Variants in ARMC5 observed in about 807,000 individuals in gnomAD.
ARMC5 encodes armadillo repeat containing 5, also known as armadillo repeat-containing protein 5.
ARMC5 carries 28 observed loss-of-function variants against 60.5 expected under a neutral mutation model. The observed-to-expected ratio is 0.46, with a 90% CI of 0.34 to 0.63. ARMC5 has a LOEUF of 0.63. Among genes scored for constraint, ARMC5 ranks in the 30% least tolerant of loss-of-function variants. The pLI is 0.01. For synonymous variants in ARMC5, 680 were observed against 607.3 expected, an observed-to-expected ratio of 1.12 and a Z score of -1.76; for missense variants, 1,189 against 1,304.9, an observed-to-expected ratio of 0.91 and a Z score of 1.37.
chr16:31,462,993 A>C lies in ARMC5; in HGVS notation c.1370+76A>C. ...GTTTGTGTCTGTCTTGGTCCTCTTC[A>C]CTACCTCCACCCCTATTCTGTCTGA... On this transcript the variant is annotated intron_variant, in intron 3 of 5. Coordinates refer to ENST00000268314, the MANE Select transcript of ARMC5 (RefSeq NM_001105247.2). The surrounding 1 kb of genome is among the most constrained non-coding windows in gnomAD (Gnocchi z 7.2). The C allele has an allele frequency of 7.4e-7, 1 of 1,351,504 alleles. No individual in the cohort carries two copies. The highest frequency in any genetic ancestry group is 1.5e-5 in the South Asian group (1 of 65,888). The allele number at this position is 1,351,504 out of a possible 1,614,324, so 83.7% of individuals were successfully genotyped here.
rs752733668 is a variant in ARMC5 at position 31,466,325 on chromosome 16, C to G, written c.2244C>G (p.Pro748=). Reference sequence around the variant, plus strand: ...TGGGCCCAGCCCCTGTCCCAGCTCCCGACCTGCACTTCCTGCTGGACTCAG... The same window carrying G: ...TGGGCCCAGCCCCTGTCCCAGCTCCGGACCTGCACTTCCTGCTGGACTCAG... ...PLLGPAPVPA[P]DLHFLLDSGL... is the part of the protein sequence containing the mutation. The change falls in exon 6 of 6, where the codon CCC becomes CCG. Residue 748 remains proline (P), a synonymous_variant. Coordinates refer to ENST00000268314, the MANE Select transcript of ARMC5 (RefSeq NM_001105247.2). The surrounding 1 kb of genome is among the most constrained non-coding windows in gnomAD (Gnocchi z 8.0). 15 of 1,613,792 alleles carry G rather than the reference C, an allele frequency of 9.3e-6. No homozygotes were observed. Among genetic ancestry groups the G allele is most frequent in the Non-Finnish European group, 1.2e-5 (14 of 1,179,888 alleles).
At chr16:31,461,441 C>G (rs1447513572) in intron 1 of ARMC5, among the ~76,000 whole-genome samples, 9 of 152,180 alleles carry the variant, frequency 5.9e-5, no homozygotes, top group Admixed American at 5.2e-4. Flanking sequence ...TCTCACACCC[C>G]CATCCACCGT....
intron 1 of ARMC5, chr16:31,460,216 C>T: frequency 1.9e-6 from 1 of 540,240 alleles, no homozygotes. Flanking sequence ...TAGCCATTAT[C>T]TAGGAATTGG....
At position 31,464,959 on chromosome 16, in the gene ARMC5, C is replaced by T; in HGVS notation, c.1864+72C>T. The stretch of plus-strand genomic sequence containing the variant: ...ATCCTCCCCCATGGCTTCCATGGGC[C>T]CAGAACCTCACCTTCCCACTCACCT... On this transcript the variant is annotated intron_variant, in intron 4 of 5. Coordinates refer to ENST00000268314, the MANE Select transcript of ARMC5 (RefSeq NM_001105247.2). The surrounding 1 kb of genome is among the most constrained non-coding windows in gnomAD (Gnocchi z 7.6). The T allele has an allele frequency of 6.2e-7, 1 of 1,611,906 alleles. No individual in the cohort carries two copies. Among genetic ancestry groups the T allele is most frequent in the South Asian group, 1.1e-5 (1 of 90,982 alleles).
In ARMC5 at chr16:31,462,349, G is replaced by T; in HGVS notation, c.802G>T (p.Gly268Cys). ...CCGTGCCCTCCTGGAACTCAGCCGA[G>T]GCTGCTCCCGGGCCTGTGCTGAGCA... ...LVRALLELSR[G>C]CSRACAEQLS... The change falls in exon 3 of 6, where the codon GGC becomes TGC. Residue 268 changes from glycine (G) to cysteine (C), a missense_variant. This residue lies in a region of ARMC5 where 862 missense variants were observed against 1,071.2 expected (regional missense o/e 0.80). Transcript: ENST00000268314. The surrounding 1 kb of genome is among the most constrained non-coding windows in gnomAD (Gnocchi z 7.2). 2.5e-6 allele frequency: 4 copies of T among 1,610,712 alleles called. No homozygotes were observed. The highest frequency in any genetic ancestry group is 3.4e-6 in the Non-Finnish European group (4 of 1,178,834).
chr16:31,460,817 G>A (rs2082298132), intron 1 of ARMC5, among the ~76,000 whole-genome samples: 1 of 152,180 alleles, frequency 6.6e-6, no homozygotes, highest in Non-Finnish European at 1.5e-5. Flanking sequence ...AGCACAGTAA[G>A]AACAAATCCT....
Position 31,464,818 on chromosome 16 carries a change from G to A in ARMC5, c.1795G>A (p.Gly599Arg). 1 of 1,597,382 alleles carries A rather than the reference G, an allele frequency of 6.3e-7. No homozygotes were observed. The highest frequency in any genetic ancestry group is 1.1e-5 in the South Asian group (1 of 90,756). The change falls in exon 4 of 6, where the codon GGG becomes AGG. Residue 599 changes from glycine (G) to arginine (R), a missense_variant. Physicochemically the swap from Gly to Arg is moderately radical, Grantham distance 125. Coordinates refer to ENST00000268314, the MANE Select transcript of ARMC5 (RefSeq NM_001105247.2). This position sits in a 1 kb window ranked among gnomAD's most constrained non-coding sequence, Gnocchi z 7.6. ...GCTGCTGCGGGCCTGGCTGGTGCTG[G>A]GGGTGGCGCCTGACGATTGGCCGGC... is the stretch of plus-strand genomic sequence containing the variant. Reference protein sequence around the residue: ...AALLRAWLVLGVAPDDWPAPR... With the variant: ...AALLRAWLVLRVAPDDWPAPR...
intron 4 of ARMC5, chr16:31,465,136 G>C (rs373995596): frequency 1.9e-6 from 3 of 1,613,736 alleles, no homozygotes; most frequent in Non-Finnish European, 2.5e-6. Context: ...ATGCAGCCCC[G>C]CGCCCAGGAT....
At chr16:31,460,140 G>T in intron 1 of ARMC5, 141 bp downstream of exon 1, 1 of 917,334 alleles carries the variant, frequency 1.1e-6, no homozygotes, top group Non-Finnish European at 1.6e-6. Flanking sequence ...TTCTCAATCT[G>T]TTGTGCCCCG....
Position 31,466,192 on chromosome 16 carries a change from C to T in ARMC5, c.2111C>T (p.Ser704Phe). ...HPLFLFFAAD[S>F]LSCLQDLVSP... is the part of the protein sequence containing the mutation. ...CTCTTCCTCTTCTTTGCCGCGGACT[C>T]CCTTTCCTGCCTCCAAGACCTGGTG... The change falls in exon 6 of 6, where the codon TCC (serine) becomes TTC (phenylalanine). Residue 704 changes from serine (S) to phenylalanine (F), a missense_variant. Ser to Phe is a radical substitution (Grantham distance 155). Around this residue, in one of 2 missense-constraint regions of ARMC5, gnomAD observed 862 missense variants for 1,071.2 expected, o/e 0.80. Coordinates refer to ENST00000268314, the MANE Select transcript of ARMC5 (RefSeq NM_001105247.2). This position sits in a 1 kb window ranked among gnomAD's most constrained non-coding sequence, Gnocchi z 8.0. 4 of 1,612,910 alleles carry T rather than the reference C, an allele frequency of 2.5e-6. No individual in the cohort carries two copies. Among genetic ancestry groups the T allele is most frequent in the Non-Finnish European group, 3.4e-6 (4 of 1,179,896 alleles).
In ARMC5 at chr16:31,466,288, A is replaced by T. The variant is rs1036208783; in HGVS notation, c.2207A>T (p.Tyr736Phe). ...CTAGACTCACCTTCCCCTTGCCTCT[A>T]TGAACCTCTGCTGGGCCCAGCCCCT... Reference protein sequence around the residue: ...MDLDSPSPCLYEPLLGPAPVP... With the variant: ...MDLDSPSPCLFEPLLGPAPVP... The change falls in exon 6 of 6, where the codon TAT becomes TTT. Residue 736 changes from tyrosine to phenylalanine, a missense_variant. Physicochemically the swap from Tyr to Phe is conservative, Grantham distance 22. Transcript: ENST00000268314. This position sits in a 1 kb window ranked among gnomAD's most constrained non-coding sequence, Gnocchi z 8.0. The T allele has an allele frequency of 1.2e-6, 2 of 1,613,664 alleles. No individual in the cohort carries two copies. The highest frequency in any genetic ancestry group is 8.5e-7 in the Non-Finnish European group (1 of 1,179,818).
In ARMC5 at chr16:31,467,097, A is replaced by G. The variant is rs2082368177; in HGVS notation, c.*208A>G. 1.8e-6 allele frequency: 1 copy of G among 556,226 alleles called. No homozygotes were observed. The highest frequency in any genetic ancestry group is 2.9e-6 in the Non-Finnish European group (1 of 347,688). The allele number at this position is 556,226 out of a possible 1,614,324, so 34.5% of individuals were successfully genotyped here. ...GGTGTAGGGCCCAGAGAAGCAGAAC[A>G]GCCCAGAGCCCCAGGTGCCTGGCCT... On this transcript the variant is annotated 3_prime_UTR_variant, in exon 6 of 6. Coordinates refer to ENST00000268314, the MANE Select transcript of ARMC5 (RefSeq NM_001105247.2).
chr16:31,459,049 TTCGGCCCGGC>T (rs2082272963), upstream of ARMC5: 2 of 1,512,292 alleles, frequency 1.3e-6, no homozygotes, highest in East Asian at 4.9e-5. Context: ...ACCCCGCACT[TTCGGCCCGGC>T]TCGGGGTTCT....
upstream of ARMC5, chr16:31,458,772 C>A (rs2082269574): frequency 2.0e-6 from 3 of 1,498,810 alleles, no homozygotes; most frequent in Non-Finnish European, 2.7e-6. Context: ...CGCTCCCCCG[C>A]CGCCCCGCCC....
At chr16:31,459,181 A>G, upstream of ARMC5, 3 of 1,518,950 alleles carry the variant, frequency 2.0e-6, no homozygotes, top group Non-Finnish European at 1.8e-6. Flanking sequence ...CACGGCACGA[A>G]GGCTCCGTGG....
rs370832156 is a variant in ARMC5, at chr16:31,462,682, C to T, written c.1135C>T (p.Arg379Trp). Residue 379 changes from arginine (R) to tryptophan (W), a missense_variant, in exon 3 of 6, where the codon CGG (arginine) becomes TGG (tryptophan). Arg to Trp is a moderately radical substitution (Grantham distance 101). Coordinates refer to ENST00000268314, the MANE Select transcript of ARMC5 (RefSeq NM_001105247.2). The surrounding 1 kb of genome is among the most constrained non-coding windows in gnomAD (Gnocchi z 7.2). ...CTTGGATCTACTGATGGGCCTGCTG[C>T]GGGACCCTCGTGCAAGCGCATGGCA... ...GGLDLLMGLL[R>W]DPRASAWHPR... 2.5e-5 allele frequency: 40 copies of T among 1,613,580 alleles called. No homozygotes were observed. Among genetic ancestry groups the T allele is most frequent in the Middle Eastern group, 1.7e-4 (1 of 5,864 alleles).
At position 31,465,947 on chromosome 16, in the gene ARMC5, A is replaced by C; in HGVS notation, c.1962A>C (p.Arg654=). 1 of 1,606,670 alleles carries C rather than the reference A, an allele frequency of 6.2e-7. No homozygotes were observed. Among genetic ancestry groups the C allele is most frequent in the African/African-American group, 1.3e-5 (1 of 75,028 alleles). The part of the protein sequence containing the change: ...HLLLSGSPED[R]VACALTLPFI... ...TGCTCTCTGGGAGCCCTGAGGACCG[A>C]GTGGCCTGCGCGCTGACCCTGCCCT... The change falls in exon 5 of 6, where the codon CGA becomes CGC. Residue 654 remains arginine (R), a synonymous_variant. Transcript: ENST00000268314.
At chr16:31,465,799 C>T (rs2082351523) in intron 4 of ARMC5, 51 bp from the exon 5 acceptor site, 32 of 1,601,632 alleles carry the variant, frequency 2.0e-5, no homozygotes, top group Non-Finnish European at 2.7e-5. Flanking sequence ...TCTCACTCAC[C>T]CCACCTGTCT....
chr16:31,459,606 G>A lies in ARMC5; in HGVS notation c.82G>A (p.Gly28Ser), dbSNP rs915780258. 6 of 1,600,512 alleles carry A rather than the reference G, an allele frequency of 3.7e-6. No homozygotes were observed. In the Admixed American group the frequency reaches 5.0e-5, roughly 13 times the overall value. ...QLAAAAGEAL[G>S]GEKDPATNET... is the part of the protein sequence containing the mutation. ...CGCGGCGGCGGCCGGGGAGGCTCTG[G>A]GTGGGGAAAAGGACCCAGCGACCAA... Residue 28 changes from glycine to serine, a missense_variant, in exon 1 of 6, where the codon GGT becomes AGT. By Grantham distance (56) the Gly-to-Ser change is moderately conservative. Around this residue, in one of 2 missense-constraint regions of ARMC5, gnomAD observed 327 missense variants for 233.7 expected, o/e 1.40. Transcript: ENST00000268314.
Sources: gnomAD v4.1 joint callset for allele counts (sites outside exome capture counted in the v4.1 genomes callset) on GRCh38, gnomAD v4.1.1 for gene constraint, gnomAD v4.1.1 regional missense constraint, Gnocchi (gnomAD v3.1) non-coding constraint, MANE v1.5 for transcripts, NCBI Gene and HGNC (gene_info 2026-07-23, HGNC 2026-07-21) for gene names.